Variants in PCDHGA6 observed in about 807,000 individuals in gnomAD.
PCDHGA6 encodes protocadherin gamma-A6.
In PCDHGA6, 41 loss-of-function variants were observed where a neutral mutation model predicts 60.6. The observed-to-expected ratio is 0.68, with a 90% CI of 0.53 to 0.88. The LOEUF is 0.88. Ranked by LOEUF, PCDHGA6 falls within the 40% of genes least tolerant of loss-of-function variation. The pLI is 0.00. For missense variants in PCDHGA6, 1,312 were observed against 1,203.0 expected (o/e 1.09, Z -1.34); for synonymous variants, 594 against 524.4 (o/e 1.13, Z -1.81).
intron 1 of PCDHGA6, chr5:141,383,374 G>A (rs911594122): frequency 6.2e-7 from 1 of 1,614,028 alleles, no homozygotes; most frequent in Non-Finnish European, 8.5e-7. Flanking sequence ...CGAGGCTGGG[G>A]ATCCAGATGT....
intron 1 of PCDHGA6, chr5:141,384,060 A>G (rs1453253478): frequency 6.2e-7 from 1 of 1,609,266 alleles, no homozygotes; most frequent in Non-Finnish European, 8.5e-7. Context: ...GCACCATTCC[A>G]GAAAACCTAC....
rs1004176028 is a variant in PCDHGA6 at position 141,477,025 on chromosome 5, G to A, written c.2425-17782G>A. On this transcript the variant is annotated intron_variant, in intron 1 of 3. Transcript: ENST00000517434. This position sits in a 1 kb window ranked among gnomAD's most constrained non-coding sequence, Gnocchi z 4.9. ...TCGCCTTAGACCTTGTAACCGGGATGCTGACAATCAAGGGTCGGCTGGACT... is the reference window on the plus strand; with the variant it reads ...TCGCCTTAGACCTTGTAACCGGGATACTGACAATCAAGGGTCGGCTGGACT... 10 of 1,614,146 alleles carry A rather than the reference G, an allele frequency of 6.2e-6. No homozygotes were observed. Among genetic ancestry groups the A allele is most frequent in the East Asian group, 2.2e-5 (1 of 44,888 alleles).
At chr5:141,400,316 A>C in intron 1 of PCDHGA6, 1 of 1,614,042 alleles carries the variant, frequency 6.2e-7, no homozygotes. Flanking sequence ...CTCTGTGTCA[A>C]GTCTGGACCT....
intron 2 of PCDHGA6, among the ~76,000 whole-genome samples, chr5:141,500,892 G>GAT (rs1036007799): frequency 1.1e-5 from 1 of 88,010 alleles, no homozygotes; most frequent in African/African-American, 7.1e-5. Flanking sequence ...TTTTTTTTGA[G>GAT]ACAGTCTCGC....
In PCDHGA6 at chr5:141,431,543, C is replaced by T. The variant is rs1334234544; in HGVS notation, c.2424+55036C>T. The T allele has an allele frequency of 1.9e-6, 3 of 1,614,128 alleles. No individual in the cohort carries two copies. The highest frequency in any genetic ancestry group is 2.5e-6 in the Non-Finnish European group (3 of 1,180,036). ...GAATCTGGCCTTGGGCACGCAGCTGCTTGTAGTCAACGCTACCGACCCTGA... is the reference window on the plus strand; with the variant it reads ...GAATCTGGCCTTGGGCACGCAGCTGTTTGTAGTCAACGCTACCGACCCTGA... On this transcript the variant is annotated intron_variant, in intron 1 of 3. Transcript: ENST00000517434. This position sits in a 1 kb window ranked among gnomAD's most constrained non-coding sequence, Gnocchi z 4.8.
chr5:141,421,050 T>TACCACACAA, intron 1 of PCDHGA6: 1 of 561,278 alleles, frequency 1.8e-6, no homozygotes, highest in Non-Finnish European at 3.1e-6. Flanking sequence ...CCCCCGCCTC[T>TACCACACAA]ACCACACAAA....
chr5:141,436,220 T>C (rs1179034537), intron 1 of PCDHGA6, among the ~76,000 whole-genome samples: 2 of 152,096 alleles, frequency 1.3e-5, no homozygotes, highest in Non-Finnish European at 2.9e-5. Flanking sequence ...ACAAATGACT[T>C]GGGAAACTAA....
intron 1 of PCDHGA6, chr5:141,433,325 C>CA: frequency 2.8e-6 from 2 of 726,266 alleles, no homozygotes; most frequent in Non-Finnish European, 4.5e-6. Context: ...TCCGGTGTAA[C>CA]AGGGACTACA....
intron 1 of PCDHGA6, among the ~76,000 whole-genome samples, chr5:141,482,412 T>C (rs2099559037): frequency 6.6e-6 from 1 of 151,636 alleles, no homozygotes; most frequent in Non-Finnish European, 1.5e-5. Context: ...TAACTATTTG[T>C]TGAACTAAAA....
At chr5:141,384,956 A>G (rs1305792842) in intron 1 of PCDHGA6, 1 of 1,613,934 alleles carries the variant, frequency 6.2e-7, no homozygotes, top group African/African-American at 1.3e-5. Flanking sequence ...GGTCCTTACA[A>G]CTATGACCTC....
At position 141,477,053 on chromosome 5, in the gene PCDHGA6, G is replaced by C; in HGVS notation, c.2425-17754G>C. ...GACAATCAAGGGTCGGCTGGACTTC[G>C]AGGACACCAAACTCCATGAGATTTA... On this transcript the variant is annotated intron_variant, in intron 1 of 3. Coordinates refer to ENST00000517434, the MANE Select transcript of PCDHGA6 (RefSeq NM_018919.3). This position sits in a 1 kb window ranked among gnomAD's most constrained non-coding sequence, Gnocchi z 4.9. The C allele has an allele frequency of 6.2e-7, 1 of 1,614,230 alleles. No homozygotes were observed. Among genetic ancestry groups the C allele is most frequent in the Non-Finnish European group, 8.5e-7 (1 of 1,180,032 alleles).
intron 1 of PCDHGA6, chr5:141,393,251 G>T: frequency 5.6e-6 from 9 of 1,613,814 alleles, no homozygotes; most frequent in Non-Finnish European, 6.8e-6. Flanking sequence ...ACGAAATCGC[G>T]GTTCCTGGAG....
At chr5:141,427,954 T>G in intron 1 of PCDHGA6, 1 of 1,587,162 alleles carries the variant, frequency 6.3e-7, no homozygotes, top group Non-Finnish European at 8.6e-7. Context: ...AATGACAATG[T>G]GCCGCGGGTG....
intron 1 of PCDHGA6, among the ~76,000 whole-genome samples, chr5:141,479,914 G>T (rs2099509746): frequency 6.6e-6 from 1 of 152,148 alleles, no homozygotes; most frequent in South Asian, 2.1e-4. Context: ...CTGTTATTTT[G>T]TTACTCAGTG....
chr5:141,409,697 C>A (rs372548874), intron 1 of PCDHGA6: 1 of 1,613,178 alleles, frequency 6.2e-7, no homozygotes, highest in African/African-American at 1.3e-5. Context: ...CCTAGAGCCC[C>A]TGGCGGTGTC....
chr5:141,459,025 A>C (rs2098959135), intron 1 of PCDHGA6, among the ~76,000 whole-genome samples: 1 of 152,336 alleles, frequency 6.6e-6, no homozygotes, highest in Non-Finnish European at 1.5e-5. Flanking sequence ...GAGCCACCAC[A>C]TCCAGCCTTA....
chr5:141,454,740 G>GAGGCC (rs2098797560), intron 1 of PCDHGA6, among the ~76,000 whole-genome samples: 1 of 147,160 alleles, frequency 6.8e-6, no homozygotes, highest in Non-Finnish European at 1.5e-5. Flanking sequence ...AGGATGAAAA[G>GAGGCC]AGGCCAAACT....
chr5:141,444,325 C>G (rs2098432231), intron 1 of PCDHGA6, among the ~76,000 whole-genome samples: 1 of 151,840 alleles, frequency 6.6e-6, no homozygotes, highest in Non-Finnish European at 1.5e-5. Flanking sequence ...GCATGTGCCA[C>G]CACGCCCAGC....
Position 141,489,793 on chromosome 5 carries a change from C to T in PCDHGA6, c.2425-5014C>T, listed in dbSNP as rs749700050. On this transcript the variant is annotated intron_variant, in intron 1 of 3. Transcript: ENST00000517434. The surrounding 1 kb of genome is among the most constrained non-coding windows in gnomAD (Gnocchi z 4.5). ...CCACTTCTCTCTGAATGTGAAGACC[C>T]TAAAAGATGGGAAGCCATTCCCAGA... The T allele has an allele frequency of 6.2e-7, 1 of 1,614,044 alleles. No homozygotes were observed. Among genetic ancestry groups the T allele is most frequent in the Non-Finnish European group, 8.5e-7 (1 of 1,180,010 alleles).
Sources: allele counts gnomAD v4.1 joint callset (sites outside exome capture counted in the v4.1 genomes callset), GRCh38; gene constraint gnomAD v4.1.1; non-coding constraint Gnocchi (gnomAD v3.1); transcripts MANE v1.5; gene names NCBI Gene and HGNC (gene_info 2026-07-23, HGNC 2026-07-21).